ADAM23: variants seen among roughly 807,000 people sequenced by gnomAD.
ADAM23 encodes the protein disintegrin and metalloproteinase domain-containing protein 23.
In ADAM23, 33 loss-of-function variants were observed where a neutral mutation model predicts 120.1. The ratio of observed to expected loss-of-function variants is 0.27; its 90% CI spans 0.21 to 0.37. The LOEUF is 0.37. ADAM23 is among the 10% of genes least tolerant of loss of function. The pLI, the probability that ADAM23 is intolerant of heterozygous loss-of-function variation, is 1.00. For missense variants in ADAM23, 862 were observed against 1,058.2 expected (o/e 0.81, Z 2.57); for synonymous variants, 367 against 375.2 (o/e 0.98, Z 0.25).
In ADAM23 at chr2:206,559,950, C is replaced by T. The variant is rs372211402; in HGVS notation, c.1006-5C>T. The T allele has an allele frequency of 6.2e-7, 1 of 1,611,198 alleles. No individual in the cohort carries two copies. The highest frequency in any genetic ancestry group is 8.5e-7 in the Non-Finnish European group (1 of 1,178,710). On this transcript the variant is annotated splice_region_variant and splice_polypyrimidine_tract_variant and intron_variant, in intron 10 of 25. Coordinates refer to ENST00000264377, the MANE Select transcript of ADAM23 (RefSeq NM_003812.4). Reference sequence around the variant, plus strand: ...TCCTGCACCTGTCCTGTTGTATACCCTCAGATTTACAAGGAGCAGCTCAAC... The same window carrying T: ...TCCTGCACCTGTCCTGTTGTATACCTTCAGATTTACAAGGAGCAGCTCAAC...
intron 3 of ADAM23, among the ~76,000 whole-genome samples, chr2:206,508,351 C>T (rs1696545627): frequency 6.6e-6 from 1 of 152,092 alleles, no homozygotes; most frequent in Non-Finnish European, 1.5e-5. Flanking sequence ...TATCACTTTA[C>T]TAACAGGTCT....
chr2:206,562,748 G>A (rs1363913028), intron 13 of ADAM23, among the ~76,000 whole-genome samples: 1 of 152,164 alleles, frequency 6.6e-6, no homozygotes, highest in Non-Finnish European at 1.5e-5. Context: ...CAGAAAAGTT[G>A]GAGAAAAAGG....
At chr2:206,571,908 A>G (rs976307553) in intron 17 of ADAM23, 92 bp downstream of exon 17, 61 of 1,156,916 alleles carry the variant, frequency 5.3e-5, no homozygotes, top group African/African-American at 3.0e-5. Flanking sequence ...GCTTGTCACA[A>G]ATTTCTTGGG....
At chr2:206,599,924 G>T (rs560208935) in intron 24 of ADAM23, among the ~76,000 whole-genome samples, 4 of 152,144 alleles carry the variant, frequency 2.6e-5, no homozygotes, top group Admixed American at 1.3e-4. Flanking sequence ...TGTTGTGGCC[G>T]GGCACGGTGG....
chr2:206,538,212 A>G (rs1697220064), intron 4 of ADAM23, among the ~76,000 whole-genome samples: 2 of 152,182 alleles, frequency 1.3e-5, no homozygotes, highest in African/African-American at 4.8e-5. Flanking sequence ...AAATAATTAA[A>G]TTATTTAATA....
chr2:206,466,329 C>G (rs970588700), intron 2 of ADAM23, among the ~76,000 whole-genome samples: 3 of 152,128 alleles, frequency 2.0e-5, no homozygotes, highest in East Asian at 1.9e-4. Flanking sequence ...TGCTCTTGGA[C>G]TTGAATTCTT....
At chr2:206,514,041 A>G (rs1326126889) in intron 3 of ADAM23, among the ~76,000 whole-genome samples, 1 of 152,198 alleles carries the variant, frequency 6.6e-6, no homozygotes, top group Admixed American at 6.5e-5. Flanking sequence ...TGGCCACCAA[A>G]GAGTGCTGAT....
intron 21 of ADAM23, among the ~76,000 whole-genome samples, chr2:206,590,879 C>A (rs1006726256): frequency 2.0e-5 from 3 of 152,078 alleles, no homozygotes; most frequent in African/African-American, 7.2e-5. Context: ...CACTCCATGT[C>A]CTAGAGAATC....
At position 206,481,175 on chromosome 2, in the gene ADAM23, A is replaced by G. The variant is rs951680586; in HGVS notation, c.433-57A>G. The G allele has an allele frequency of 3.0e-6, 4 of 1,323,016 alleles. No homozygotes were observed. The South Asian group carries it at 5.2e-5, about 17-fold the overall frequency. 82.0% of individuals were successfully genotyped at this position (1,323,016 alleles called of 1,614,324 possible). A position where few individuals can be genotyped will look rare whatever the true frequency, so the allele number is the denominator to read the frequency against. ...GTCTTAAATATCATTCTTGATAATA[A>G]TCTGTCTTAAAGACAGGAAAGTAAG... is the stretch of plus-strand genomic sequence containing the variant. On this transcript the variant is annotated intron_variant, in intron 2 of 25. Coordinates refer to ENST00000264377, the MANE Select transcript of ADAM23 (RefSeq NM_003812.4).
At position 206,459,566 on chromosome 2, in the gene ADAM23, T is replaced by C. The variant is rs142787249; in HGVS notation, c.432+14042T>C. 4.3e-4 allele frequency among the ~76,000 whole-genome samples: 66 copies of C among 152,330 alleles called. 1 individual carries two copies. Among genetic ancestry groups the C allele is most frequent in the African/African-American group, 1.4e-3 (60 of 41,584 alleles). On this transcript the variant is annotated intron_variant, in intron 2 of 25. Transcript: ENST00000264377. ...TAACTTACTTGTATGAAACACTTGTTTGTGATGTAATCGTTTGAGAATCTT... is the reference window on the plus strand; with the variant it reads ...TAACTTACTTGTATGAAACACTTGTCTGTGATGTAATCGTTTGAGAATCTT...
chr2:206,522,109 T>TTA (rs1447570742), intron 3 of ADAM23, among the ~76,000 whole-genome samples: 1 of 151,966 alleles, frequency 6.6e-6, no homozygotes, highest in Non-Finnish European at 1.5e-5. Flanking sequence ...TATTCATAGG[T>TTA]TATATATATG....
intron 3 of ADAM23, among the ~76,000 whole-genome samples, chr2:206,530,482 G>T (rs1266714314): frequency 6.6e-6 from 1 of 152,050 alleles, no homozygotes; most frequent in Non-Finnish European, 1.5e-5. Context: ...GGTTTGTTCT[G>T]TATTAATTAA....
Position 206,617,752 on chromosome 2 carries a change from A to G in ADAM23, c.*125A>G, listed in dbSNP as rs1215098616. On this transcript the variant is annotated 3_prime_UTR_variant, in exon 26 of 26. Transcript: ENST00000264377. Reference sequence around the variant, plus strand: ...TTTGGGTGGTAATGACTACGGAGCTAAAGTTGGGGTGACAAGGATGGGGTA... The same window carrying G: ...TTTGGGTGGTAATGACTACGGAGCTGAAGTTGGGGTGACAAGGATGGGGTA... The G allele has an allele frequency of 8.7e-6, 13 of 1,502,690 alleles. No homozygotes were observed. In the East Asian group the frequency reaches 1.3e-4, roughly 15 times the overall value. 93.1% of individuals were successfully genotyped at this position (1,502,690 alleles called of 1,614,324 possible).
chr2:206,499,924 GT>G (rs1696352493), intron 3 of ADAM23, among the ~76,000 whole-genome samples: 1 of 152,080 alleles, frequency 6.6e-6, no homozygotes, highest in African/African-American at 2.4e-5. Context: ...AGGTTTTCAG[GT>G]TGGCGGATTA....
intron 15 of ADAM23, 105 bp downstream of exon 15, chr2:206,567,427 G>A: frequency 2.4e-6 from 2 of 823,436 alleles, no homozygotes; most frequent in Non-Finnish European, 3.7e-6. Context: ...CAGGTTTCTT[G>A]TCAATCAGAT....
intron 4 of ADAM23, among the ~76,000 whole-genome samples, chr2:206,535,512 T>A (rs1697155192): frequency 6.6e-6 from 1 of 152,234 alleles, no homozygotes; most frequent in Non-Finnish European, 1.5e-5. Context: ...TACATAAATG[T>A]TCATAACATT....
At chr2:206,509,524 C>A (rs1696577167) in intron 3 of ADAM23, among the ~76,000 whole-genome samples, 1 of 152,150 alleles carries the variant, frequency 6.6e-6, no homozygotes, top group African/African-American at 2.4e-5. Context: ...TCTTGGCTCA[C>A]TGCAACCTCT....
intron 1 of ADAM23, 63 bp from the exon 2 acceptor site, chr2:206,445,244 T>C: frequency 8.4e-7 from 1 of 1,194,460 alleles, no homozygotes; most frequent in Non-Finnish European, 1.2e-6. Flanking sequence ...ATTTATGGGG[T>C]AAATATGTGT....
chr2:206,535,925 G>C (rs1259474433), intron 4 of ADAM23, among the ~76,000 whole-genome samples: 7 of 152,266 alleles, frequency 4.6e-5, no homozygotes, highest in African/African-American at 1.7e-4. Flanking sequence ...AATATGCGAA[G>C]AAAAACACTG....
Sources: gnomAD v4.1 joint callset for allele counts (sites outside exome capture counted in the v4.1 genomes callset) on GRCh38, gnomAD v4.1.1 for gene constraint, MANE v1.5 for transcripts, NCBI Gene and HGNC (gene_info 2026-07-23, HGNC 2026-07-21) for gene names.